The following VPS13D variants were observed in gnomAD, a reference collection of about 807,000 sequenced individuals.
The protein encoded by VPS13D is intermembrane lipid transfer protein VPS13D.
A neutral mutation model predicts 461.9 loss-of-function variants in VPS13D; 187 were observed. The ratio of observed to expected loss-of-function variants is 0.40; its 90% CI spans 0.36 to 0.46. The LOEUF (loss-of-function observed/expected upper bound fraction) is 0.46. VPS13D is among the 20% of genes least tolerant of loss of function. The pLI is 0.60. For missense variants in VPS13D, 4,711 were observed against 5,364.9 expected, an observed-to-expected ratio of 0.88 and a Z score of 3.81; for synonymous variants, 1,951 against 1,986.3, an observed-to-expected ratio of 0.98 and a Z score of 0.47.
intron 26 of VPS13D, among the ~76,000 whole-genome samples, chr1:12,307,276 CAGA>C (rs750172960): frequency 1.3e-5 from 2 of 151,984 alleles, no homozygotes; most frequent in Admixed American, 6.5e-5. Flanking sequence ...ATGGAAAAGA[CAGA>C]AGAAGAGAGA....
chr1:12,260,988 C>T lies in VPS13D; in HGVS notation c.1253C>T (p.Pro418Leu), dbSNP rs757669477. Residue 418 changes from proline to leucine, a missense_variant, in exon 12 of 70, where the codon CCG becomes CTG. By Grantham distance (98) the Pro-to-Leu change is moderately conservative. Transcript: ENST00000620676. ...EPQFDSPGAC[P>L]GAPEPGGGSG... ...CAGTTTGATTCTCCAGGAGCCTGTC[C>T]GGGAGCCCCAGAACCCGGTGGAGGC... The T allele has an allele frequency of 1.2e-5, 20 of 1,613,792 alleles. No homozygotes were observed. The highest frequency in any genetic ancestry group is 6.7e-5 in the Admixed American group (4 of 60,020).
In VPS13D at chr1:12,319,551, T is replaced by C. The variant is rs756634859; in HGVS notation, c.7469T>C (p.Ile2490Thr). The part of the protein sequence containing the change: ...DVSCFDTNAI[I>T]LKGTTVLTYK... ...TCCTGCTTCGACACCAATGCCATTA[T>C]TCTGAAAGGCACCACAGTGCTCACC... Residue 2490 changes from isoleucine to threonine, a missense_variant, in exon 32 of 70, where the codon ATT becomes ACT. By Grantham distance (89) the Ile-to-Thr change is moderately conservative. Transcript: ENST00000620676. 6.2e-7 allele frequency: 1 copy of C among 1,614,236 alleles called. No homozygotes were observed.
rs1646120680 is a variant in VPS13D at position 12,507,123 on chromosome 1, A to AGGGGCG, written c.13035+34_13035+39dup. 4.3e-6 allele frequency: 7 copies of AGGGGCG among 1,613,062 alleles called. No homozygotes were observed. The South Asian group carries it at 7.7e-5, about 18-fold the overall frequency. On this transcript the variant is annotated intron_variant, in intron 69 of 69. Transcript: ENST00000620676. The surrounding 1 kb of genome is among the most constrained non-coding windows in gnomAD (Gnocchi z 5.3). ...GTGCCTGGCTGTTCTCAGGCTCCTG[A>AGGGGCG]GGGGCGGGGCCAGGGCCTCGATGCC... is the stretch of plus-strand genomic sequence containing the variant.
Position 12,283,603 on chromosome 1 carries a change from G to C in VPS13D, c.5501G>C (p.Gly1834Ala). Residue 1834 changes from glycine to alanine, a missense_variant, in exon 21 of 70, where the codon GGA becomes GCA. Physicochemically the swap from Gly to Ala is moderately conservative, Grantham distance 60. Coordinates refer to ENST00000620676, the MANE Select transcript of VPS13D (RefSeq NM_015378.4). ...TGGGTTGTGATATTAGACTTTTTTG[G>C]AATCGGCTCCACTGCAGACAACCAC... ...QTWVVILDFF[G>A]IGSTADNHAM... The C allele has an allele frequency of 1.9e-6, 3 of 1,614,124 alleles. No individual in the cohort carries two copies. The South Asian group carries it at 3.3e-5, about 18-fold the overall frequency.
intron 65 of VPS13D, among the ~76,000 whole-genome samples, chr1:12,440,998 T>G (rs958769413): frequency 6.6e-6 from 1 of 151,006 alleles, no homozygotes; most frequent in African/African-American, 2.4e-5. Flanking sequence ...CAATCTCAGC[T>G]CGCTGCAACC....
At chr1:12,369,331 A>G (rs1644085009) in intron 53 of VPS13D, 136 bp from the exon 54 acceptor site, 2 of 787,052 alleles carry the variant, frequency 2.5e-6, no homozygotes, top group African/African-American at 1.7e-5. Context: ...GAGATGATGA[A>G]TTTCACTGGG....
intron 54 of VPS13D, 39 bp downstream of exon 54, chr1:12,369,741 G>T: frequency 1.9e-6 from 3 of 1,580,174 alleles, no homozygotes. Context: ...TAAAGCAGAA[G>T]GTTCTAATTA....
chr1:12,244,352 A>G lies in VPS13D; in HGVS notation c.282A>G (p.Ile94Met). ...SLHLIGAPEK[I>M]QDFNDEKEKL... ...ACTTAATTGGAGCCCCAGAGAAAAT[A>G]CAGGATTTCAATGATGAAAAGGAGA... The change falls in exon 4 of 70, where the codon ATA (isoleucine) becomes ATG (methionine). Residue 94 changes from isoleucine to methionine, a missense_variant. Physicochemically the swap from Ile to Met is conservative, Grantham distance 10. Coordinates refer to ENST00000620676, the MANE Select transcript of VPS13D (RefSeq NM_015378.4). The G allele has an allele frequency of 6.2e-7, 1 of 1,614,236 alleles. No homozygotes were observed. Among genetic ancestry groups the G allele is most frequent in the South Asian group, 1.1e-5 (1 of 91,088 alleles).
rs560049187 is a variant in VPS13D, at chr1:12,283,680, C to T, written c.5578C>T (p.His1860Tyr). ...GILHNVKLEP[H>Y]ASMESGLQDP... ...TCTGCACAACGTGAAGTTGGAGCCA[C>T]ATGCCTCCATGGAGTCTGGACTTCA... Residue 1860 changes from histidine to tyrosine, a missense_variant, in exon 21 of 70, where the codon CAT (histidine) becomes TAT (tyrosine). His to Tyr is a moderately conservative substitution (Grantham distance 83). Around this residue, in one of 3 missense-constraint regions of VPS13D, gnomAD observed 4,411 missense variants for 4,937.8 expected, o/e 0.89. Transcript: ENST00000620676. 6.2e-7 allele frequency: 1 copy of T among 1,614,188 alleles called. No individual in the cohort carries two copies. The highest frequency in any genetic ancestry group is 2.2e-5 in the East Asian group (1 of 44,880).
intron 32 of VPS13D, 147 bp from the exon 33 acceptor site, chr1:12,321,662 C>T (rs1212128913): frequency 1.2e-6 from 1 of 851,704 alleles, no homozygotes; most frequent in Non-Finnish European, 1.7e-6. Flanking sequence ...TGGGGGGCTT[C>T]ACTCTTCACA....
At chr1:12,367,557 T>TTAATTAATTA (rs755564787) in intron 52 of VPS13D, 26 of 148,538 alleles carry the variant, frequency 1.8e-4, no homozygotes, top group African/African-American at 6.4e-4. Context: ...CGATGAAATT[T>TTAATTAATTA]ATTTATTTAT....
chr1:12,473,472 T>C lies in VPS13D; in HGVS notation c.12662+13076T>C, dbSNP rs1440159280. Among the ~76,000 whole-genome samples the C allele has an allele frequency of 1.3e-5, 2 of 152,168 alleles. No homozygotes were observed. Among genetic ancestry groups the C allele is most frequent in the Non-Finnish European group, 2.9e-5 (2 of 68,042 alleles). On this transcript the variant is annotated intron_variant, in intron 67 of 69. Coordinates refer to ENST00000620676, the MANE Select transcript of VPS13D (RefSeq NM_015378.4). The surrounding 1 kb of genome is among the most constrained non-coding windows in gnomAD (Gnocchi z 4.2). Reference sequence around the variant, plus strand: ...GTCGGTTGGCCCTGGGTTTGAGTCATTGGGCTGCTGCTTGGCTGTGACCTG... The same window carrying C: ...GTCGGTTGGCCCTGGGTTTGAGTCACTGGGCTGCTGCTTGGCTGTGACCTG...
chr1:12,247,703 ATTT>A (rs778720883), intron 5 of VPS13D, among the ~76,000 whole-genome samples: 4 of 131,314 alleles, frequency 3.0e-5, no homozygotes, highest in African/African-American at 2.8e-5. Context: ...CTTTGCCACA[ATTT>A]TTTTTTTTTT....
chr1:12,360,305 A>C (rs1015861443), intron 50 of VPS13D, among the ~76,000 whole-genome samples: 7 of 152,220 alleles, frequency 4.6e-5, no homozygotes, highest in Non-Finnish European at 2.9e-5. Flanking sequence ...TTTGAAGAAT[A>C]GGATAGATAA....
At chr1:12,316,584 G>A (rs1176156497) in intron 30 of VPS13D, among the ~76,000 whole-genome samples, 4 of 152,120 alleles carry the variant, frequency 2.6e-5, no homozygotes, top group Non-Finnish European at 5.9e-5. Context: ...GAAAAATGCT[G>A]TGTCTGTAAG....
At position 12,262,083 on chromosome 1, in the gene VPS13D, A is replaced by C. The variant is rs1305831415; in HGVS notation, c.1594+3A>C. 1.2e-6 allele frequency: 2 copies of C among 1,605,622 alleles called. No individual in the cohort carries two copies. Among genetic ancestry groups the C allele is most frequent in the African/African-American group, 2.7e-5 (2 of 74,728 alleles). On this transcript the variant is annotated splice_donor_region_variant and intron_variant, in intron 13 of 69. Coordinates refer to ENST00000620676, the MANE Select transcript of VPS13D (RefSeq NM_015378.4). ...TTTCATGCAGCTCGAGTTTTCAGGT[A>C]CACTGCCCCCAAGAAACTACCTGCC...
At chr1:12,480,116 A>G (rs1645693574) in intron 67 of VPS13D, among the ~76,000 whole-genome samples, 1 of 152,122 alleles carries the variant, frequency 6.6e-6, no homozygotes, top group African/African-American at 2.4e-5. Flanking sequence ...ATCCCTGTGT[A>G]CCCCATTCCA....
In VPS13D at chr1:12,283,566, A is replaced by G. The variant is rs1161887844; in HGVS notation, c.5464A>G (p.Thr1822Ala). ...TTTTAATTGCTTGGATGTGCTGATC[A>G]CACTGCAAACCTGGGTTGTGATATT... ...VDFNCLDVLITLQTWVVILDF... is the reference protein window; with the variant it reads ...VDFNCLDVLIALQTWVVILDF... The change falls in exon 21 of 70, where the codon ACA becomes GCA. Residue 1822 changes from threonine to alanine, a missense_variant. Thr to Ala is a moderately conservative substitution (Grantham distance 58). Transcript: ENST00000620676. The G allele has an allele frequency of 1.9e-6, 3 of 1,614,142 alleles. No individual in the cohort carries two copies. Among genetic ancestry groups the G allele is most frequent in the African/African-American group, 2.7e-5 (2 of 74,952 alleles).
chr1:12,456,191 A>G (rs558499395), intron 66 of VPS13D, 61 bp downstream of exon 66: 10 of 1,546,064 alleles, frequency 6.5e-6, no homozygotes, highest in South Asian at 6.2e-5. Flanking sequence ...CTTTGTATCA[A>G]TCTGATTGCA....
Sources: allele counts gnomAD v4.1 joint callset (sites outside exome capture counted in the v4.1 genomes callset), GRCh38; gene constraint gnomAD v4.1.1; regional missense constraint gnomAD v4.1.1; non-coding constraint Gnocchi (gnomAD v3.1); transcripts MANE v1.5; gene names NCBI Gene and HGNC (gene_info 2026-07-23, HGNC 2026-07-21).